Variants in BMP2K observed in about 807,000 individuals in gnomAD.
The protein encoded by BMP2K is BMP-2-inducible protein kinase.
In BMP2K, 74 loss-of-function variants were observed where a neutral mutation model predicts 116.0. That is an observed-to-expected ratio of 0.64 (90% CI 0.53 to 0.77). The LOEUF (loss-of-function observed/expected upper bound fraction) is 0.77. BMP2K is among the 30% of genes least tolerant of loss of function. The pLI is 0.00. For synonymous variants in BMP2K, 486 were observed against 502.5 expected, an observed-to-expected ratio of 0.97 and a Z score of 0.44; for missense variants, 1,365 against 1,403.6, an observed-to-expected ratio of 0.97 and a Z score of 0.44.
intron 1 of BMP2K, among the ~76,000 whole-genome samples, chr4:78,788,841 A>G (rs965672983): frequency 6.7e-6 from 1 of 149,450 alleles, no homozygotes; most frequent in Non-Finnish European, 1.5e-5. Context: ...AGCTTGAGAA[A>G]CCCTTATATA....
chr4:78,783,798 G>A (rs866763476), intron 1 of BMP2K, among the ~76,000 whole-genome samples: 10 of 151,662 alleles, frequency 6.6e-5, no homozygotes, highest in African/African-American at 1.9e-4. Context: ...ACAGCAAGAC[G>A]CTGTCTCAAA....
At chr4:78,790,600 CTAAA>C (rs1234849589) in intron 1 of BMP2K, among the ~76,000 whole-genome samples, 3 of 152,062 alleles carry the variant, frequency 2.0e-5, no homozygotes, top group South Asian at 2.1e-4. Context: ...TTATTTCTTC[CTAAA>C]TAAACTCAGT....
rs575481399 is a variant in BMP2K at position 78,861,861 on chromosome 4, T to C, written c.1067+393T>C. Among the ~76,000 whole-genome samples, 8 of 152,070 alleles carry C rather than the reference T, an allele frequency of 5.3e-5. No individual in the cohort carries two copies. In the East Asian group the frequency reaches 1.5e-3, roughly 29 times the overall value. On this transcript the variant is annotated intron_variant, in intron 9 of 15. Transcript: ENST00000502613. Reference sequence around the variant, plus strand: ...AGCTCCTACAGGTAACTAGAATATATAGAATATGTATGTACTTTGTAGAAT... The same window carrying C: ...AGCTCCTACAGGTAACTAGAATATACAGAATATGTATGTACTTTGTAGAAT...
At chr4:78,826,201 T>C (rs1560517041) in intron 2 of BMP2K, 46 bp downstream of exon 2, 5 of 1,487,520 alleles carry the variant, frequency 3.4e-6, no homozygotes, top group Non-Finnish European at 4.7e-6. Flanking sequence ...CAAGTTTTTA[T>C]TTTTTATTTT....
intron 7 of BMP2K, among the ~76,000 whole-genome samples, chr4:78,856,472 T>G (rs1357774690): frequency 1.3e-5 from 2 of 152,166 alleles, no homozygotes; most frequent in African/African-American, 4.8e-5. Flanking sequence ...TTCAGTAAAT[T>G]ATATTATTTA....
At chr4:78,809,517 ACAGACATG>A (rs1305743422) in intron 1 of BMP2K, among the ~76,000 whole-genome samples, 6 of 152,048 alleles carry the variant, frequency 3.9e-5, no homozygotes, top group African/African-American at 1.4e-4. Context: ...AGCTGGGACC[ACAGACATG>A]CACCACCACA....
intron 15 of BMP2K, among the ~76,000 whole-genome samples, chr4:78,907,568 T>C (rs1211801544): frequency 6.6e-6 from 1 of 152,202 alleles, no homozygotes; most frequent in Non-Finnish European, 1.5e-5. Flanking sequence ...TAGTTGGTTT[T>C]AAAGGTTAAC....
intron 2 of BMP2K, 42 bp from the exon 3 acceptor site, chr4:78,833,540 A>T: frequency 7.6e-7 from 1 of 1,324,018 alleles, no homozygotes; most frequent in Non-Finnish European, 1.1e-6. Flanking sequence ...CTATACCTTT[A>T]AATGTACATT....
rs568574104 is a variant in BMP2K, at chr4:78,878,116, A to T, written c.1794-618A>T. Among the ~76,000 whole-genome samples, 65 of 152,322 alleles carry T rather than the reference A, an allele frequency of 4.3e-4. No homozygotes were observed. In the South Asian group the frequency reaches 0.013, roughly 30 times the overall value. ...GATACTTTAAATACTATAATAATTT[A>T]TTATATGCAAAAATAACCCTCATTT... On this transcript the variant is annotated intron_variant, in intron 13 of 15. Coordinates refer to ENST00000502613, the MANE Select transcript of BMP2K (RefSeq NM_198892.2).
Position 78,803,111 on chromosome 4 carries a change from A to G in BMP2K, c.179-22926A>G, listed in dbSNP as rs28705943. 2.8e-3 allele frequency among the ~76,000 whole-genome samples: 431 copies of G among 152,128 alleles called. 4 individuals carry two copies. The highest frequency in any genetic ancestry group is 0.011 in the South Asian group (52 of 4,808). ...GTGATCCACCCTCCTCGGCCTCCCA[A>G]AGTGCTGGGATTGCAGGCGTGAGCC... On this transcript the variant is annotated intron_variant, in intron 1 of 15. Transcript: ENST00000502613.
At chr4:78,778,503 TG>T (rs1727351088) in intron 1 of BMP2K, among the ~76,000 whole-genome samples, 1 of 152,242 alleles carries the variant, frequency 6.6e-6, no homozygotes, top group Non-Finnish European at 1.5e-5. Flanking sequence ...AAGCAAGGAC[TG>T]AAGAAATCCT....
intron 3 of BMP2K, among the ~76,000 whole-genome samples, chr4:78,835,093 C>A (rs1400338768): frequency 2.6e-5 from 4 of 152,084 alleles, no homozygotes; most frequent in African/African-American, 9.7e-5. Context: ...ATAATCATAA[C>A]CTTGGATTAA....
chr4:78,871,839 T>C lies in BMP2K; in HGVS notation c.1510-11T>C, dbSNP rs377248658. 9 of 1,591,098 alleles carry C rather than the reference T, an allele frequency of 5.7e-6. No homozygotes were observed. The African/African-American group carries it at 1.1e-4, about 19-fold the overall frequency. ...GGCATAACATTTATTAATTTGATTT[T>C]CTCGTTGTAGTATCAACATGCAACA... is the stretch of plus-strand genomic sequence containing the variant. On this transcript the variant is annotated splice_polypyrimidine_tract_variant and intron_variant, in intron 11 of 15. Transcript: ENST00000502613.
At chr4:78,829,793 TTCTC>T (rs1730101172) in intron 2 of BMP2K, among the ~76,000 whole-genome samples, 198 of 80,950 alleles carry the variant, frequency 2.4e-3, no homozygotes, top group Middle Eastern at 5.6e-3. Flanking sequence ...TTCTTTTCTC[TTCTC>T]TTCTCTTCTC....
chr4:78,876,642 T>TA (rs1258398561), intron 13 of BMP2K, among the ~76,000 whole-genome samples: 1 of 152,210 alleles, frequency 6.6e-6, no homozygotes, highest in Non-Finnish European at 1.5e-5. Context: ...GGGGATCAGT[T>TA]AAGACTTGTG....
At chr4:78,813,198 T>C (rs1729169623) in intron 1 of BMP2K, among the ~76,000 whole-genome samples, 1 of 152,210 alleles carries the variant, frequency 6.6e-6, no homozygotes, top group Non-Finnish European at 1.5e-5. Context: ...TTCTCTCATA[T>C]CCAGTCATTC....
At position 78,915,710 on chromosome 4, in the gene BMP2K, C is replaced by T. The variant is rs558736199; in HGVS notation, c.*3677C>T. Reference sequence around the variant, plus strand: ...TAAAAAATGGAATTGCAACCACAATCATATCTAAGAGAACATTCACTCCTA... The same window carrying T: ...TAAAAAATGGAATTGCAACCACAATTATATCTAAGAGAACATTCACTCCTA... On this transcript the variant is annotated 3_prime_UTR_variant, in exon 16 of 16. Coordinates refer to ENST00000502613, the MANE Select transcript of BMP2K (RefSeq NM_198892.2). 7 of 152,036 alleles carry T rather than the reference C, an allele frequency of 4.6e-5. No individual in the cohort carries two copies. In the South Asian group the frequency reaches 8.3e-4, roughly 18 times the overall value. 9.4% of individuals were successfully genotyped at this position (152,036 alleles called of 1,614,324 possible). A position where few individuals can be genotyped will look rare whatever the true frequency, so the allele number is the denominator to read the frequency against.
At chr4:78,829,787 T>TTTCTTTTCTCTCTTCTCTTCTCTTCTC (rs71216237) in intron 2 of BMP2K, among the ~76,000 whole-genome samples, 2 of 86,594 alleles carry the variant, frequency 2.3e-5, no homozygotes, top group African/African-American at 8.4e-5. Context: ...TTTCTTTTCT[T>TTTCTTTTCTCTCTTCTCTTCTCTTCTC]TTCTCTTCTC....
chr4:78,779,932 A>G (rs1165698793), intron 1 of BMP2K, among the ~76,000 whole-genome samples: 1 of 152,158 alleles, frequency 6.6e-6, no homozygotes, highest in African/African-American at 2.4e-5. Context: ...TCTCAAAAAC[A>G]TGTTTAGGAG....
Sources: gnomAD v4.1 joint callset for allele counts (sites outside exome capture counted in the v4.1 genomes callset) on GRCh38, gnomAD v4.1.1 for gene constraint, MANE v1.5 for transcripts, NCBI Gene and HGNC (gene_info 2026-07-23, HGNC 2026-07-21) for gene names.